The following RGS7BP variants were observed in gnomAD, a reference collection of about 807,000 sequenced individuals.
The protein encoded by RGS7BP is regulator of G protein signaling 7-binding protein.
Under a neutral mutation model 31.3 loss-of-function variants are expected in RGS7BP, and 9 were observed. The ratio of observed to expected loss-of-function variants is 0.29; its 90% confidence interval spans 0.17 to 0.50. The LOEUF (loss-of-function observed/expected upper bound fraction) is 0.50, where lower values mean the gene tolerates loss of function less well. Among genes scored for constraint, RGS7BP ranks in the 20% least tolerant of loss-of-function variants. The pLI is 0.98. For synonymous variants in RGS7BP, 115 were observed against 120.1 expected (o/e 0.96, Z 0.28); for missense variants, 274 against 322.0 (o/e 0.85, Z 1.14).
intron 2 of RGS7BP, among the ~76,000 whole-genome samples, chr5:64,531,280 T>G (rs1259735197): frequency 6.6e-6 from 1 of 152,250 alleles, no homozygotes; most frequent in East Asian, 1.9e-4. Context: ...TTTTCTGCAG[T>G]ATTAGAAAAT....
intron 2 of RGS7BP, 120 bp downstream of exon 2, chr5:64,507,997 C>T (rs1748741227): frequency 3.6e-6 from 3 of 842,822 alleles, no homozygotes; most frequent in Admixed American, 2.9e-5. Context: ...ACCTTAAGAT[C>T]GAAATTCTCT....
chr5:64,593,667 A>C (rs1394048659), intron 3 of RGS7BP, among the ~76,000 whole-genome samples: 2 of 152,064 alleles, frequency 1.3e-5, no homozygotes, highest in African/African-American at 4.8e-5. Context: ...TTATTGTTTA[A>C]CTCCAGCACT....
chr5:64,597,763 G>T (rs571892852), intron 4 of RGS7BP, among the ~76,000 whole-genome samples: 3 of 151,970 alleles, frequency 2.0e-5, no homozygotes, highest in Admixed American at 1.3e-4. Context: ...GGGAAGGTGT[G>T]GGGGGTGAGA....
In RGS7BP at chr5:64,598,851, A is replaced by G. The variant is rs536270840; in HGVS notation, c.682+416A>G. Among the ~76,000 whole-genome samples, 7 of 152,364 alleles carry G rather than the reference A, an allele frequency of 4.6e-5. No individual in the cohort carries two copies. In the South Asian group the frequency reaches 1.5e-3, roughly 32 times the overall value. On this transcript the variant is annotated intron_variant, in intron 5 of 5. Coordinates refer to ENST00000334025, the MANE Select transcript of RGS7BP (RefSeq NM_001029875.3). Reference sequence around the variant, plus strand: ...AAAATACTTTGCATGTATTAACTGTATTAACTTATTTAATTCTAAACAACT... The same window carrying G: ...AAAATACTTTGCATGTATTAACTGTGTTAACTTATTTAATTCTAAACAACT...
intron 2 of RGS7BP, among the ~76,000 whole-genome samples, chr5:64,550,176 T>C (rs906223189): frequency 4.6e-5 from 7 of 152,314 alleles, no homozygotes; most frequent in African/African-American, 1.7e-4. Context: ...GTATTTGTTA[T>C]AGCAGTCTGC....
intron 5 of RGS7BP, among the ~76,000 whole-genome samples, chr5:64,599,197 T>G (rs201881124): frequency 1.3e-5 from 2 of 152,322 alleles, no homozygotes; most frequent in East Asian, 3.9e-4. Context: ...CCCCAGAGAC[T>G]GACGACATGT....
At chr5:64,528,272 C>A (rs1749281893) in intron 2 of RGS7BP, among the ~76,000 whole-genome samples, 1 of 152,114 alleles carries the variant, frequency 6.6e-6, no homozygotes, top group African/African-American at 2.4e-5. Flanking sequence ...AGTCAGGAGG[C>A]CAGGGAGCCA....
chr5:64,577,373 C>A (rs1039753226), intron 3 of RGS7BP, among the ~76,000 whole-genome samples: 1 of 151,916 alleles, frequency 6.6e-6, no homozygotes, highest in South Asian at 2.1e-4. Context: ...ACCTGGGAGG[C>A]GGAGCTTGCA....
Position 64,569,878 on chromosome 5 carries a change from C to T in RGS7BP, c.333-5896C>T, listed in dbSNP as rs374070698. Among the ~76,000 whole-genome samples the T allele has an allele frequency of 3.4e-4, 52 of 152,322 alleles. 1 individual carries two copies. The South Asian group carries it at 0.01, about 30-fold the overall frequency. On this transcript the variant is annotated intron_variant, in intron 2 of 5. Transcript: ENST00000334025. Reference sequence around the variant, plus strand: ...AGCAAATGATACCATCCCCTTCCCTCATCCTGTTTTGGCTTCCTGGGTCTT... The same window carrying T: ...AGCAAATGATACCATCCCCTTCCCTTATCCTGTTTTGGCTTCCTGGGTCTT...
chr5:64,540,564 T>G (rs1741503045), intron 2 of RGS7BP, among the ~76,000 whole-genome samples: 5 of 152,182 alleles, frequency 3.3e-5, no homozygotes, highest in Admixed American at 3.3e-4. Context: ...GCTTTTTTCC[T>G]TGGTATAAAT....
intron 5 of RGS7BP, among the ~76,000 whole-genome samples, chr5:64,601,738 G>A (rs761616903): frequency 3.3e-5 from 5 of 152,106 alleles, no homozygotes; most frequent in East Asian, 3.9e-4. Flanking sequence ...TGATAGTCTC[G>A]CTGTGTCAAA....
intron 2 of RGS7BP, among the ~76,000 whole-genome samples, chr5:64,512,441 C>T (rs888197222): frequency 6.6e-6 from 1 of 152,294 alleles, no homozygotes; most frequent in East Asian, 1.9e-4. Flanking sequence ...GGCAGTCTGG[C>T]TGTGCTGCTA....
intron 4 of RGS7BP, among the ~76,000 whole-genome samples, chr5:64,597,062 A>C (rs2111964301): frequency 6.6e-6 from 1 of 152,262 alleles, no homozygotes; most frequent in Non-Finnish European, 1.5e-5. Flanking sequence ...TCCTCAGTTA[A>C]TTAAAGGATG....
Position 64,605,056 on chromosome 5 carries a change from T to C in RGS7BP, c.683-4105T>C, listed in dbSNP as rs145314612. ...AAATCTAAAAGAATTAAACATTGAA[T>C]GACTGAGGTTTGAACTTACTGGTGT... On this transcript the variant is annotated intron_variant, in intron 5 of 5. Transcript: ENST00000334025. 2.4e-4 allele frequency among the ~76,000 whole-genome samples: 37 copies of C among 152,086 alleles called. 1 individual carries two copies. In the East Asian group the frequency reaches 7.2e-3, roughly 29 times the overall value.
intron 2 of RGS7BP, among the ~76,000 whole-genome samples, chr5:64,515,549 G>C (rs994563232): frequency 5.9e-5 from 9 of 151,966 alleles, no homozygotes; most frequent in Non-Finnish European, 1.2e-4. Context: ...TAAACTTCTA[G>C]GCCCTGAGAG....
intron 2 of RGS7BP, among the ~76,000 whole-genome samples, chr5:64,529,164 A>T (rs1749311374): frequency 1.3e-5 from 2 of 152,226 alleles, no homozygotes. Flanking sequence ...TACCAAAAAA[A>T]GAGAATTATT....
intron 2 of RGS7BP, among the ~76,000 whole-genome samples, chr5:64,568,647 C>A (rs1742226775): frequency 6.6e-6 from 1 of 152,054 alleles, no homozygotes; most frequent in African/African-American, 2.4e-5. Flanking sequence ...AATGTCACCG[C>A]TTATTCCCAA....
intron 2 of RGS7BP, among the ~76,000 whole-genome samples, chr5:64,574,035 A>G (rs894651476): frequency 3.3e-5 from 5 of 152,204 alleles, no homozygotes; most frequent in Non-Finnish European, 7.4e-5. Context: ...ATGAACCAGC[A>G]TAGAAAAGAC....
At chr5:64,603,638 C>T (rs540025098) in intron 5 of RGS7BP, among the ~76,000 whole-genome samples, 74 of 152,202 alleles carry the variant, frequency 4.9e-4, no homozygotes, top group African/African-American at 1.7e-3. Flanking sequence ...AAGTTAAATA[C>T]GAATTGGAAG....
Sources: gnomAD v4.1 joint callset for allele counts (sites outside exome capture counted in the v4.1 genomes callset) on GRCh38, gnomAD v4.1.1 for gene constraint, MANE v1.5 for transcripts, NCBI Gene and HGNC (gene_info 2026-07-23, HGNC 2026-07-21) for gene names.